Variants in FXN observed in about 807,000 individuals in gnomAD.
The protein encoded by FXN is frataxin, also known as frataxin, mitochondrial.
A neutral mutation model predicts 22.4 loss-of-function variants in FXN; 14 were observed. That is an observed-to-expected ratio of 0.62 (90% CI 0.41 to 0.98). The LOEUF is 0.98. Among genes scored for constraint, FXN ranks in the 50% least tolerant of loss-of-function variants. The probability of loss-of-function intolerance (pLI) is 0.00; values close to 1 mark genes in which losing one functional copy is unlikely to be tolerated. For synonymous variants in FXN, 120 were observed against 114.1 expected, an observed-to-expected ratio of 1.05 and a Z score of -0.33; for missense variants, 267 against 268.4, an observed-to-expected ratio of 0.99 and a Z score of 0.04.
intron 1 of FXN, among the ~76,000 whole-genome samples, chr9:69,041,916 A>C (rs1831664305): frequency 6.6e-6 from 1 of 152,218 alleles, no homozygotes; most frequent in Admixed American, 6.5e-5. Context: ...CTGGAGTTAG[A>C]GGGAGACATG....
Position 69,076,521 on chromosome 9 carries a change from T to A in FXN, c.*3759T>A. Reference sequence around the variant, plus strand: ...TTTACTTGATCTTTTGCATACCTTCTAAAACTATTTTAGCCAATTTAAAAT... The same window carrying A: ...TTTACTTGATCTTTTGCATACCTTCAAAAACTATTTTAGCCAATTTAAAAT... On this transcript the variant is annotated 3_prime_UTR_variant, in exon 5 of 5. Coordinates refer to ENST00000484259, the MANE Select transcript of FXN (RefSeq NM_000144.5). 1 of 985,390 alleles carries A rather than the reference T, an allele frequency of 1.0e-6. No individual in the cohort carries two copies. Among genetic ancestry groups the A allele is most frequent in the South Asian group, 4.7e-5 (1 of 21,290 alleles). The allele number at this position is 985,390 out of a possible 1,614,324, so 61.0% of individuals were successfully genotyped here. A position where few individuals can be genotyped will look rare whatever the true frequency, so the allele number is the denominator to read the frequency against.
intron 3 of FXN, among the ~76,000 whole-genome samples, chr9:69,054,647 T>C (rs900198897): frequency 6.6e-6 from 1 of 152,114 alleles, no homozygotes; most frequent in African/African-American, 2.4e-5. Context: ...GCTGGAATTA[T>C]AGGCACACGC....
chr9:69,062,670 T>A (rs954862802), intron 3 of FXN, among the ~76,000 whole-genome samples: 3 of 147,650 alleles, frequency 2.0e-5, no homozygotes, highest in Non-Finnish European at 4.6e-5. Flanking sequence ...TAAAAAAACA[T>A]CTTTTTTTTA....
At chr9:69,070,928 C>T (rs868551869) in intron 4 of FXN, among the ~76,000 whole-genome samples, 2 of 151,946 alleles carry the variant, frequency 1.3e-5, no homozygotes, top group Admixed American at 6.6e-5. Flanking sequence ...ACATCAGCCT[C>T]CCAAAGTGCT....
intron 3 of FXN, among the ~76,000 whole-genome samples, chr9:69,063,009 T>C (rs1213251332): frequency 1.3e-5 from 2 of 151,908 alleles, no homozygotes; most frequent in African/African-American, 4.8e-5. Context: ...ACCAGCCTGG[T>C]CAATATAGCG....
chr9:69,066,764 C>T (rs1044015926), intron 4 of FXN, among the ~76,000 whole-genome samples: 2 of 152,264 alleles, frequency 1.3e-5, no homozygotes, highest in African/African-American at 4.8e-5. Context: ...TTTGGACACA[C>T]TGCCCAGCAA....
rs751237760 is a variant in FXN, at chr9:69,035,869, G to A, written c.87G>A (p.Arg29=). 93 of 1,496,620 alleles carry A rather than the reference G, an allele frequency of 6.2e-5. 2 individuals are homozygous for A. In the South Asian group the frequency reaches 7.7e-4, roughly 12 times the overall value. 92.7% of individuals were successfully genotyped at this position (1,496,620 alleles called of 1,614,324 possible). ...AQAQTLTRVP[R]PAELAPLCGR... ...CCCAGACCCTCACCCGGGTCCCGCG[G>A]CCGGCAGAGTTGGCCCCACTCTGCG... Residue 29 remains arginine, a synonymous_variant, in exon 1 of 5, where the codon CGG becomes CGA. Transcript: ENST00000484259.
At chr9:69,040,752 C>G (rs1225680753) in intron 1 of FXN, among the ~76,000 whole-genome samples, 1 of 152,148 alleles carries the variant, frequency 6.6e-6, no homozygotes, top group Non-Finnish European at 1.5e-5. Flanking sequence ...TTGTGTCACC[C>G]CACCATTCAT....
At position 69,074,840 on chromosome 9, in the gene FXN, T is replaced by C. The variant is rs4745580; in HGVS notation, c.*2078T>C. On this transcript the variant is annotated 3_prime_UTR_variant, in exon 5 of 5. Transcript: ENST00000484259. ...AATTATTTTTTGAGTCTGATGGAAA[T>C]GTTTAAGTGCAGTAGGCCAGTGCCA... 409,769 of 979,880 alleles carry C rather than the reference T, an allele frequency of 0.42. 86,794 individuals are homozygous for C. Among genetic ancestry groups the C allele is most frequent in the East Asian group, 0.57 (4,989 of 8,778 alleles). The allele number at this position is 979,880 out of a possible 1,614,324, so 60.7% of individuals were successfully genotyped here. A position where few individuals can be genotyped will look rare whatever the true frequency, so the allele number is the denominator to read the frequency against.
rs1373597277 is a variant in FXN, at chr9:69,075,350, C to T, written c.*2588C>T. 4 of 594,234 alleles carry T rather than the reference C, an allele frequency of 6.7e-6. No homozygotes were observed. The highest frequency in any genetic ancestry group is 8.5e-6 in the Non-Finnish European group (4 of 473,278). 36.8% of individuals were successfully genotyped at this position (594,234 alleles called of 1,614,324 possible). On this transcript the variant is annotated 3_prime_UTR_variant, in exon 5 of 5. Coordinates refer to ENST00000484259, the MANE Select transcript of FXN (RefSeq NM_000144.5). ...TGGTTCGTGCCTATAATTTCAGCTA[C>T]TCAGGAGGCTGAGGCAGGAGAATCG...
chr9:69,075,050 C>A lies in FXN; in HGVS notation c.*2288C>A. 3 of 985,394 alleles carry A rather than the reference C, an allele frequency of 3.0e-6. No homozygotes were observed. Among genetic ancestry groups the A allele is most frequent in the Non-Finnish European group, 3.6e-6 (3 of 829,944 alleles). The allele number at this position is 985,394 out of a possible 1,614,324, so 61.0% of individuals were successfully genotyped here. A position where few individuals can be genotyped will look rare whatever the true frequency, so the allele number is the denominator to read the frequency against. ...GAAAGTGGAAGTTAAGGAATCTGGG[C>A]TCTTATGGGGTCCTTGTGGGCCAGC... On this transcript the variant is annotated 3_prime_UTR_variant, in exon 5 of 5. Transcript: ENST00000484259.
At chr9:69,065,481 C>G (rs946202268) in intron 4 of FXN, among the ~76,000 whole-genome samples, 3 of 148,784 alleles carry the variant, frequency 2.0e-5, no homozygotes, top group African/African-American at 7.5e-5. Context: ...GTGGAGGTTG[C>G]AGTGAGCCAA....
intron 1 of FXN, among the ~76,000 whole-genome samples, chr9:69,041,601 C>G (rs1307631198): frequency 6.6e-6 from 1 of 152,162 alleles, no homozygotes; most frequent in African/African-American, 2.4e-5. Context: ...TCCTCCCCTG[C>G]GAGGTATGGG....
At position 69,074,470 on chromosome 9, in the gene FXN, G is replaced by T. The variant is rs374295966; in HGVS notation, c.*1708G>T. The T allele has an allele frequency of 7.4e-4, 723 of 979,424 alleles. 10 individuals are homozygous for T. The South Asian group carries it at 0.029, about 39-fold the overall frequency. 60.7% of individuals were successfully genotyped at this position (979,424 alleles called of 1,614,324 possible). The stretch of plus-strand genomic sequence containing the variant: ...AATTGCTTGACCCCAGGCGGAGGAG[G>T]TTACAGTGAGTCGAGATCGTACCTG... On this transcript the variant is annotated 3_prime_UTR_variant, in exon 5 of 5. Transcript: ENST00000484259.
chr9:69,065,084 C>T (rs899551995), intron 4 of FXN, 49 bp downstream of exon 4: 3 of 1,370,558 alleles, frequency 2.2e-6, no homozygotes, highest in African/African-American at 1.4e-5. Context: ...TAAAGACTTC[C>T]GAAATGTGAC....
chr9:69,067,470 C>T (rs897144342), intron 4 of FXN, among the ~76,000 whole-genome samples: 2 of 152,210 alleles, frequency 1.3e-5, no homozygotes, highest in South Asian at 4.1e-4. Context: ...TGTAGAGGAG[C>T]AGGAGGTTGT....
chr9:69,069,486 A>G (rs1485917086), intron 4 of FXN, among the ~76,000 whole-genome samples: 1 of 152,108 alleles, frequency 6.6e-6, no homozygotes, highest in Non-Finnish European at 1.5e-5. Flanking sequence ...CCCCCAAGAC[A>G]TTGCATAAAT....
chr9:69,039,564 A>G (rs1831618901), intron 1 of FXN, among the ~76,000 whole-genome samples: 1 of 152,118 alleles, frequency 6.6e-6, no homozygotes, highest in Admixed American at 6.5e-5. Flanking sequence ...GAGGCAGCCT[A>G]TGTTTTTTGA....
rs1209342894 is a variant in FXN at position 69,079,043 on chromosome 9, G to T, written c.*6281G>T. On this transcript the variant is annotated 3_prime_UTR_variant, in exon 5 of 5. Coordinates refer to ENST00000484259, the MANE Select transcript of FXN (RefSeq NM_000144.5). ...AAATGTGTTATAATTATATGTTTAA[G>T]ATAGTTGTTCAAATAAACTCTAAAT... 1.1e-6 allele frequency: 1 copy of T among 880,294 alleles called. No homozygotes were observed. Among genetic ancestry groups the T allele is most frequent in the Admixed American group, 6.2e-5 (1 of 16,100 alleles). The allele number at this position is 880,294 out of a possible 1,614,324, so 54.5% of individuals were successfully genotyped here.
Sources: gnomAD v4.1 joint callset for allele counts (sites outside exome capture counted in the v4.1 genomes callset) on GRCh38, gnomAD v4.1.1 for gene constraint, MANE v1.5 for transcripts, NCBI Gene and HGNC (gene_info 2026-07-23, HGNC 2026-07-21) for gene names.